PLA2G5: variants seen among roughly 807,000 people sequenced by gnomAD.
PLA2G5 encodes Ca2+-dependent phospholipase A2.
Under a neutral mutation model 15.9 loss-of-function variants are expected in PLA2G5, and 12 were observed. That is an observed-to-expected ratio of 0.76 (90% CI 0.48 to 1.23). PLA2G5 has a LOEUF of 1.23. PLA2G5 is among the 50% of genes most tolerant of loss of function. PLA2G5 has a pLI of 0.00. For missense variants in PLA2G5, 169 were observed against 177.1 expected (o/e 0.95, Z 0.26); for synonymous variants, 71 against 71.4 (o/e 0.99, Z 0.03).
chr1:20,066,730 G>A (rs995868434), upstream of PLA2G5, among the ~76,000 whole-genome samples: 3 of 152,074 alleles, frequency 2.0e-5, no homozygotes, highest in South Asian at 6.2e-4. Flanking sequence ...CTCTTGGCAA[G>A]GCATGGTAGC....
intron 1 of PLA2G5, among the ~76,000 whole-genome samples, chr1:20,044,545 A>G (rs1283492448): frequency 6.6e-6 from 1 of 152,162 alleles, no homozygotes; most frequent in Non-Finnish European, 1.5e-5. Context: ...GGGTTTTTAT[A>G]TTTGATGAAA....
chr1:20,067,931 C>G (rs545227282), upstream of PLA2G5, among the ~76,000 whole-genome samples: 1 of 152,086 alleles, frequency 6.6e-6, no homozygotes, highest in Non-Finnish European at 1.5e-5. Context: ...CCAGCCTCGC[C>G]AACATGGTGG....
rs543173270 is a variant in PLA2G5, at chr1:20,077,659, C to T, written c.-10-7162C>T. Among the ~76,000 whole-genome samples, 4 of 152,254 alleles carry T rather than the reference C, an allele frequency of 2.6e-5. No homozygotes were observed. The East Asian group carries it at 5.8e-4, about 22-fold the overall frequency. ...GGCCGTTCTGCCTGACTTATCTCAT[C>T]GAATTATCAGCGTTACTAAGTGAGT... On this transcript the variant is annotated intron_variant, in intron 1 of 4. Transcript: ENST00000375108.
chr1:20,071,910 C>A (rs913227719), intron 1 of PLA2G5, among the ~76,000 whole-genome samples: 1 of 152,066 alleles, frequency 6.6e-6, no homozygotes, highest in Non-Finnish European at 1.5e-5. Context: ...GAGATCGAGA[C>A]CAATCTGGCC....
chr1:20,045,153 T>C (rs188629950), intron 1 of PLA2G5, among the ~76,000 whole-genome samples: 356 of 152,150 alleles, frequency 2.3e-3, no homozygotes, highest in African/African-American at 8.2e-3. Context: ...AGGTTTTAGG[T>C]CAGGTGTGAG....
chr1:20,081,147 A>G (rs919025005), intron 1 of PLA2G5, among the ~76,000 whole-genome samples: 1 of 149,970 alleles, frequency 6.7e-6, no homozygotes, highest in South Asian at 2.1e-4. Flanking sequence ...CCCTCTCATT[A>G]CTGCAACCGC....
intron 1 of PLA2G5, among the ~76,000 whole-genome samples, chr1:20,073,797 G>C (rs611367): frequency 0.15 from 22,199 of 151,328 alleles, 2,343 homozygotes; most frequent in African/African-American, 0.3. Context: ...TTGAACCTGA[G>C]AGGCGGAGGT....
rs751112613 is a variant in PLA2G5, at chr1:20,084,788, T to C, written c.-10-33T>C. 2.5e-5 allele frequency: 37 copies of C among 1,504,100 alleles called. No individual in the cohort carries two copies. In the Middle Eastern group the frequency reaches 1.2e-3, roughly 49 times the overall value. 93.2% of individuals were successfully genotyped at this position (1,504,100 alleles called of 1,614,324 possible). A position where few individuals can be genotyped will look rare whatever the true frequency, so the allele number is the denominator to read the frequency against. ...AATGGGCCACGGGGGCATTGCCTGA[T>C]AGATCTGTTGTGGGATGTGTTTTTT... is the stretch of plus-strand genomic sequence containing the variant. On this transcript the variant is annotated intron_variant, in intron 1 of 4. Transcript: ENST00000375108.
intron 1 of PLA2G5, among the ~76,000 whole-genome samples, chr1:20,053,117 G>A (rs1468818384): frequency 4.6e-5 from 7 of 152,196 alleles, no homozygotes; most frequent in South Asian, 2.1e-4. Flanking sequence ...AGGCTGTGTC[G>A]TGGATGTGTG....
intron 3 of PLA2G5, 41 bp from the exon 4 acceptor site, chr1:20,089,748 G>A: frequency 6.5e-7 from 1 of 1,537,742 alleles, no homozygotes; most frequent in Non-Finnish European, 9.0e-7. Flanking sequence ...GGTCAGGAGG[G>A]CACCCCTCCC....
At chr1:20,047,294 C>A (rs1450231657) in intron 1 of PLA2G5, among the ~76,000 whole-genome samples, 1 of 151,738 alleles carries the variant, frequency 6.6e-6, no homozygotes, top group African/African-American at 2.4e-5. Flanking sequence ...TGCCCACAAG[C>A]AAGCACACAT....
chr1:20,090,411 C>T (rs1247552912), intron 4 of PLA2G5, among the ~76,000 whole-genome samples, 157 bp from the exon 5 acceptor site: 2 of 152,182 alleles, frequency 1.3e-5, no homozygotes, highest in Non-Finnish European at 2.9e-5. Context: ...TGAGCAGCAG[C>T]TGTGCCCCTT....
At chr1:20,029,706 CG>C (rs1336279481) in intron 1 of PLA2G5, among the ~76,000 whole-genome samples, 2 of 152,134 alleles carry the variant, frequency 1.3e-5, no homozygotes, top group Non-Finnish European at 2.9e-5. Flanking sequence ...CCAGCACTTA[CG>C]TATCAGTCCT....
intron 2 of PLA2G5, among the ~76,000 whole-genome samples, chr1:20,061,586 C>CAA (rs35346493): frequency 0.032 from 2,154 of 67,278 alleles, 66 homozygotes; most frequent in East Asian, 0.24. Context: ...ACCCTGTCTC[C>CAA]AAAAAAAAAA....
At position 20,086,186 on chromosome 1, in the gene PLA2G5, C is replaced by T. The variant is rs11573265; in HGVS notation, c.144C>T (p.Cys48=). ...LTNYGFYGCY[C]GWGGRGTPKD... ...ACTACGGCTTCTACGGCTGTTACTG[C>T]GGCTGGGGCGGCCGAGGAACCCCCA... Residue 48 remains cysteine (C), a synonymous_variant, in exon 3 of 5, where the codon TGC becomes TGT. Transcript: ENST00000375108. The T allele has an allele frequency of 1.8e-3, 2,945 of 1,614,082 alleles. 52 individuals are homozygous for T. The African/African-American group carries it at 0.031, about 17-fold the overall frequency.
At chr1:20,080,384 C>T (rs1188870772) in intron 1 of PLA2G5, among the ~76,000 whole-genome samples, 1 of 152,056 alleles carries the variant, frequency 6.6e-6, no homozygotes, top group Non-Finnish European at 1.5e-5. Context: ...GAGTTCGAGA[C>T]CAGCCTGACC....
At chr1:20,089,758 C>CA (rs2016471771) in intron 3 of PLA2G5, 31 bp from the exon 4 acceptor site, 1 of 1,572,410 alleles carries the variant, frequency 6.4e-7, no homozygotes, top group Non-Finnish European at 8.8e-7. Flanking sequence ...GCACCCCTCC[C>CA]ACTCGGGATC....
intron 1 of PLA2G5, among the ~76,000 whole-genome samples, chr1:20,045,657 A>C (rs2013864848): frequency 6.6e-6 from 1 of 152,100 alleles, no homozygotes; most frequent in Non-Finnish European, 1.5e-5. Context: ...AAATGTGAGA[A>C]GTTCCTTGGG....
At chr1:20,062,415 G>A (rs2014780583) in intron 2 of PLA2G5, among the ~76,000 whole-genome samples, 2 of 152,178 alleles carry the variant, frequency 1.3e-5, no homozygotes, top group Non-Finnish European at 2.9e-5. Context: ...CACAGAAGAT[G>A]AGCAGGGACA....
Sources: gnomAD v4.1 joint callset for allele counts (sites outside exome capture counted in the v4.1 genomes callset) on GRCh38, gnomAD v4.1.1 for gene constraint, MANE v1.5 for transcripts, NCBI Gene and HGNC (gene_info 2026-07-23, HGNC 2026-07-21) for gene names.